Variants in ATXN7 observed in about 807,000 individuals in gnomAD.
ATXN7 encodes the protein ataxin-7.
Under a neutral mutation model 70.5 loss-of-function variants are expected in ATXN7, and 12 were observed. That is an observed-to-expected ratio of 0.17 (90% CI 0.11 to 0.28). The LOEUF (loss-of-function observed/expected upper bound fraction) is 0.28, where lower values mean the gene tolerates loss of function less well. ATXN7 is among the 10% of genes least tolerant of loss of function. ATXN7 has a pLI of 1.00. For missense variants in ATXN7, 1,256 were observed against 1,131.7 expected, an observed-to-expected ratio of 1.11 and a Z score of -1.58; for synonymous variants, 498 against 448.7, an observed-to-expected ratio of 1.11 and a Z score of -1.39.
intron 1 of ATXN7, among the ~76,000 whole-genome samples, chr3:63,896,201 T>TA (rs201312706): frequency 8.3e-5 from 12 of 144,182 alleles, no homozygotes; most frequent in Non-Finnish European, 1.1e-4. Flanking sequence ...CCCTCCCCCT[T>TA]AAAAAAAAAA....
At chr3:63,923,701 G>A (rs941795862) in intron 4 of ATXN7, among the ~76,000 whole-genome samples, 2 of 152,136 alleles carry the variant, frequency 1.3e-5, no homozygotes, top group African/African-American at 4.8e-5. Flanking sequence ...GGCTGAGGTG[G>A]GAGGATCACT....
chr3:63,918,198 AACAAAACAG>A (rs1704361202), intron 4 of ATXN7, among the ~76,000 whole-genome samples: 2 of 152,172 alleles, frequency 1.3e-5, no homozygotes, highest in African/African-American at 4.8e-5. Flanking sequence ...CAAACAAACA[AACAAAACAG>A]GCTTGCTAGG....
chr3:63,893,011 T>C (rs1703333438), intron 1 of ATXN7, among the ~76,000 whole-genome samples: 1 of 152,144 alleles, frequency 6.6e-6, no homozygotes, highest in African/African-American at 2.4e-5. Flanking sequence ...AGGGAATGGT[T>C]TTAAGCTCAA....
chr3:63,863,585 A>C (rs1702293651), upstream of ATXN7: 3 of 1,197,522 alleles, frequency 2.5e-6, no homozygotes, highest in South Asian at 1.3e-4. Context: ...TGGCGAGAGG[A>C]GGAAGGACTC....
At position 63,913,200 on chromosome 3, in the gene ATXN7, C is replaced by G. The variant is rs371910514; in HGVS notation, c.369C>G (p.Arg123=). The part of the protein sequence containing the change: ...DESFKEFGKN[R]EVMGLCREDM... ...GTTTCAAGGAGTTTGGGAAAAACCG[C>G]GAAGTCATGGGGCTCTGTCGGGAAG... The change falls in exon 4 of 13, where the codon CGC becomes CGG. Residue 123 remains arginine, a synonymous_variant. Transcript: ENST00000674280. The G allele has an allele frequency of 6.2e-7, 1 of 1,613,864 alleles. No individual in the cohort carries two copies. The highest frequency in any genetic ancestry group is 2.2e-5 in the East Asian group (1 of 44,846).
rs778240369 is a variant in ATXN7 at position 63,990,418 on chromosome 3, A to G, written c.1560+44A>G. 16 of 1,607,120 alleles carry G rather than the reference A, an allele frequency of 1.0e-5. No homozygotes were observed. The South Asian group carries it at 1.4e-4, about 14-fold the overall frequency. On this transcript the variant is annotated intron_variant, in intron 10 of 12. Transcript: ENST00000674280. ...CCCGCGTTGACCCTCCCCACACAGC[A>G]TGGACAGGGCACTGCAGGGGGGCGC...
chr3:63,987,924 TA>T lies in ATXN7; in HGVS notation c.1096-134del, dbSNP rs1239148608. On this transcript the variant is annotated intron_variant, in intron 8 of 12. Transcript: ENST00000674280. The stretch of plus-strand genomic sequence containing the variant: ...TAATGGGCTCTTAAGGTTTTTAGCT[TA>T]TCAAATGCTGAGTAGCCTTTCACTA... The T allele has an allele frequency of 8.3e-6, 9 of 1,089,496 alleles. No individual in the cohort carries two copies. In the East Asian group the frequency reaches 2.2e-4, roughly 27 times the overall value. 67.5% of individuals were successfully genotyped at this position (1,089,496 alleles called of 1,614,324 possible). A position where few individuals can be genotyped will look rare whatever the true frequency, so the allele number is the denominator to read the frequency against.
intron 5 of ATXN7, among the ~76,000 whole-genome samples, chr3:63,972,081 T>C (rs2075320379): frequency 6.6e-6 from 1 of 152,180 alleles, no homozygotes; most frequent in African/African-American, 2.4e-5. Flanking sequence ...TGGAAATGGA[T>C]TATGACAGTT....
chr3:63,937,311 C>CT (rs2107354299), intron 4 of ATXN7, among the ~76,000 whole-genome samples: 1 of 152,224 alleles, frequency 6.6e-6, no homozygotes, highest in East Asian at 1.9e-4. Flanking sequence ...GCATAAAGTT[C>CT]TTTTTTCTTC....
At chr3:63,922,003 A>G (rs1704529371) in intron 4 of ATXN7, among the ~76,000 whole-genome samples, 2 of 152,092 alleles carry the variant, frequency 1.3e-5, no homozygotes, top group African/African-American at 4.8e-5. Flanking sequence ...AGTGTAGCAA[A>G]TGAACCGCAG....
chr3:63,971,080 G>A (rs2075305942), intron 5 of ATXN7, among the ~76,000 whole-genome samples: 1 of 152,192 alleles, frequency 6.6e-6, no homozygotes, highest in South Asian at 2.1e-4. Flanking sequence ...GTAGCAGTTG[G>A]AGACTAATTT....
At chr3:63,940,425 A>G (rs1345230826) in intron 4 of ATXN7, among the ~76,000 whole-genome samples, 1 of 152,130 alleles carries the variant, frequency 6.6e-6, no homozygotes, top group Non-Finnish European at 1.5e-5. Flanking sequence ...CCATTTCATA[A>G]TTAATTCTGT....
At chr3:63,948,900 C>G (rs539670368) in intron 4 of ATXN7, among the ~76,000 whole-genome samples, 135 of 152,266 alleles carry the variant, frequency 8.9e-4, no homozygotes, top group Non-Finnish European at 1.3e-3. Flanking sequence ...CGTTTAGAAT[C>G]CATTAATTCA....
At position 63,877,197 on chromosome 3, in the gene ATXN7, T is replaced by C. The variant is rs183249149; in HGVS notation, c.-111+13039T>C. 7.2e-5 allele frequency among the ~76,000 whole-genome samples: 11 copies of C among 152,370 alleles called. No individual in the cohort carries two copies. In the East Asian group the frequency reaches 1.7e-3, roughly 24 times the overall value. On this transcript the variant is annotated intron_variant, in intron 1 of 12. Coordinates refer to ENST00000674280, the MANE Select transcript of ATXN7 (RefSeq NM_001377405.1). ...TTGGGTCTTAAGGAAAAACTGAAAT[T>C]CCTGAATGCTTACAGAGGTTTTTGT...
chr3:63,944,773 A>G (rs1276776257), intron 4 of ATXN7, among the ~76,000 whole-genome samples: 2 of 151,222 alleles, frequency 1.3e-5, no homozygotes, highest in Non-Finnish European at 2.9e-5. Context: ...GTTTTTTGTT[A>G]GTTTTTGGTT....
intron 1 of ATXN7, among the ~76,000 whole-genome samples, chr3:63,872,112 G>A (rs1336117196): frequency 1.3e-5 from 2 of 152,112 alleles, no homozygotes; most frequent in South Asian, 2.1e-4. Context: ...CATTGATCTA[G>A]CCTTGACGAA....
At chr3:63,987,170 A>ATTTGT (rs913837715) in intron 8 of ATXN7, among the ~76,000 whole-genome samples, 2 of 152,226 alleles carry the variant, frequency 1.3e-5, no homozygotes, top group Admixed American at 6.5e-5. Context: ...TATTAGGCTT[A>ATTTGT]TTTGTTTTGT....
intron 4 of ATXN7, among the ~76,000 whole-genome samples, chr3:63,930,624 C>T (rs968840870): frequency 1.2e-4 from 18 of 152,128 alleles, no homozygotes; most frequent in African/African-American, 1.4e-4. Context: ...CTCCGCCTCC[C>T]GGGTTCACCC....
chr3:63,979,598 A>G (rs564625265), intron 5 of ATXN7, among the ~76,000 whole-genome samples: 3 of 152,298 alleles, frequency 2.0e-5, no homozygotes, highest in South Asian at 2.1e-4. Context: ...GTTGGAGCCA[A>G]TGAGGTTCAT....
Sources: allele counts gnomAD v4.1 joint callset (sites outside exome capture counted in the v4.1 genomes callset), GRCh38; gene constraint gnomAD v4.1.1; transcripts MANE v1.5; gene names NCBI Gene and HGNC (gene_info 2026-07-23, HGNC 2026-07-21).